RALYL: variants seen among roughly 807,000 people sequenced by gnomAD.
The protein encoded by RALYL is RNA-binding Raly-like protein.
RALYL carries 29 observed loss-of-function variants against 35.1 expected under a neutral mutation model. The observed-to-expected ratio is 0.83, with a 90% CI of 0.61 to 1.13. The LOEUF (loss-of-function observed/expected upper bound fraction) is 1.13, where lower values mean the gene tolerates loss of function less well. Among genes scored for constraint, RALYL ranks in the 50% most tolerant of loss-of-function variants. The pLI is 0.00. For synonymous variants in RALYL, 120 were observed against 127.6 expected, an observed-to-expected ratio of 0.94 and a Z score of 0.40; for missense variants, 359 against 360.4, an observed-to-expected ratio of 1.00 and a Z score of 0.03.
intron 4 of RALYL, among the ~76,000 whole-genome samples, chr8:84,842,681 A>G (rs1833703379): frequency 6.6e-6 from 1 of 152,184 alleles, no homozygotes; most frequent in Non-Finnish European, 1.5e-5. Context: ...AGAATTTTAG[A>G]CCAATATCCT....
At chr8:84,919,818 T>C (rs2135786791) in intron 8 of RALYL, among the ~76,000 whole-genome samples, 1 of 152,176 alleles carries the variant, frequency 6.6e-6, no homozygotes, top group African/African-American at 2.4e-5. Flanking sequence ...TTTTTTTTCA[T>C]GTTAGACAGG....
chr8:84,493,913 T>C (rs2055651631), intron 1 of RALYL, among the ~76,000 whole-genome samples: 1 of 151,892 alleles, frequency 6.6e-6, no homozygotes, highest in Non-Finnish European at 1.5e-5. Context: ...TTTAATTAGA[T>C]CCCATTTGTC....
chr8:84,425,310 T>G (rs1169559434), intron 1 of RALYL, among the ~76,000 whole-genome samples: 2 of 152,010 alleles, frequency 1.3e-5, no homozygotes, highest in East Asian at 3.9e-4. Flanking sequence ...GTGACCCGAT[T>G]TTCCAGGTGC....
intron 1 of RALYL, among the ~76,000 whole-genome samples, chr8:84,267,264 C>T (rs1178652917): frequency 1.3e-5 from 2 of 152,048 alleles, no homozygotes; most frequent in Non-Finnish European, 2.9e-5. Flanking sequence ...CCTGAGAATC[C>T]CTCAAAATAT....
At chr8:84,761,295 A>C (rs1341826180) in intron 2 of RALYL, among the ~76,000 whole-genome samples, 1 of 130,404 alleles carries the variant, frequency 7.7e-6, no homozygotes, top group Non-Finnish European at 1.6e-5. Context: ...AATACAGAAA[A>C]ATTAATTTTC....
chr8:84,201,957 C>T (rs1816940552), intron 1 of RALYL, among the ~76,000 whole-genome samples: 1 of 151,938 alleles, frequency 6.6e-6, no homozygotes, highest in Non-Finnish European at 1.5e-5. Flanking sequence ...CATAGATTTC[C>T]TTTTTTTATA....
At chr8:84,555,049 G>A (rs148709674) in intron 2 of RALYL, among the ~76,000 whole-genome samples, 1,832 of 152,274 alleles carry the variant, frequency 0.012, 30 homozygotes, top group African/African-American at 0.042. Context: ...GGGAGGCTAA[G>A]GCGGGCAGAT....
chr8:84,455,086 C>T (rs988100959), intron 1 of RALYL, among the ~76,000 whole-genome samples: 1 of 151,976 alleles, frequency 6.6e-6, no homozygotes, highest in Non-Finnish European at 1.5e-5. Flanking sequence ...GAGCCAGGCG[C>T]TGCACAGAAT....
intron 1 of RALYL, among the ~76,000 whole-genome samples, chr8:84,464,530 C>T (rs1325218043): frequency 1.3e-5 from 2 of 150,162 alleles, no homozygotes; most frequent in Non-Finnish European, 3.0e-5. Context: ...TTTCTTAATC[C>T]AGTCTATCAT....
intron 2 of RALYL, among the ~76,000 whole-genome samples, chr8:84,736,044 C>T (rs1847251341): frequency 6.6e-6 from 1 of 152,076 alleles, no homozygotes; most frequent in Non-Finnish European, 1.5e-5. Context: ...AGTCTCTAGT[C>T]ATACTTTTCT....
intron 2 of RALYL, among the ~76,000 whole-genome samples, chr8:84,585,944 C>T (rs1367111401): frequency 6.6e-6 from 1 of 152,036 alleles, no homozygotes; most frequent in Non-Finnish European, 1.5e-5. Context: ...TGCTTGTAAT[C>T]CCAGTACTTT....
intron 1 of RALYL, among the ~76,000 whole-genome samples, chr8:84,364,577 T>C (rs73296877): frequency 0.047 from 7,208 of 152,138 alleles, 230 homozygotes; most frequent in African/African-American, 0.082. Context: ...ATGACCATGA[T>C]TTAATATAAA....
intron 1 of RALYL, among the ~76,000 whole-genome samples, chr8:84,192,555 T>A (rs1279189333): frequency 6.6e-6 from 1 of 152,056 alleles, no homozygotes; most frequent in Non-Finnish European, 1.5e-5. Context: ...GAATTTTCTT[T>A]TTTTTTTTCT....
At chr8:84,439,871 T>C (rs1183750297) in intron 1 of RALYL, among the ~76,000 whole-genome samples, 1 of 152,122 alleles carries the variant, frequency 6.6e-6, no homozygotes, top group Non-Finnish European at 1.5e-5. Flanking sequence ...GCTGGATTTA[T>C]ACTTAATAAT....
intron 1 of RALYL, among the ~76,000 whole-genome samples, chr8:84,213,178 G>A (rs917750220): frequency 1.8e-4 from 27 of 152,066 alleles, no homozygotes; most frequent in African/African-American, 6.5e-4. Flanking sequence ...GTCACCTGAG[G>A]TCAGGAGTTC....
chr8:84,887,090 G>A (rs1843012995), intron 7 of RALYL, among the ~76,000 whole-genome samples: 1 of 150,604 alleles, frequency 6.6e-6, no homozygotes, highest in Non-Finnish European at 1.5e-5. Flanking sequence ...ACACAGACAT[G>A]TTGTCTGAAA....
intron 1 of RALYL, among the ~76,000 whole-genome samples, chr8:84,274,257 T>G (rs1834907675): frequency 6.6e-6 from 1 of 152,194 alleles, no homozygotes; most frequent in Non-Finnish European, 1.5e-5. Flanking sequence ...AAAATGCCTT[T>G]ACTTTCATCC....
intron 1 of RALYL, among the ~76,000 whole-genome samples, chr8:84,482,121 C>T (rs1250842446): frequency 6.6e-6 from 1 of 151,942 alleles, no homozygotes; most frequent in African/African-American, 2.4e-5. Context: ...AAATAATATG[C>T]TTACACTTTT....
chr8:84,716,725 C>T (rs1332477975), intron 2 of RALYL, among the ~76,000 whole-genome samples: 2 of 152,082 alleles, frequency 1.3e-5, no homozygotes, highest in Non-Finnish European at 1.5e-5. Flanking sequence ...AAATATTTTG[C>T]ATATTTTTCA....
Sources: allele counts gnomAD v4.1 joint callset (sites outside exome capture counted in the v4.1 genomes callset), GRCh38; gene constraint gnomAD v4.1.1; transcripts MANE v1.5; gene names NCBI Gene and HGNC (gene_info 2026-07-23, HGNC 2026-07-21).